BCL11B: variants seen among roughly 807,000 people sequenced by gnomAD.
BCL11B encodes the protein BCL11 transcription factor B.
Under a neutral mutation model 49.9 loss-of-function variants are expected in BCL11B, and 8 were observed. The observed-to-expected ratio is 0.16, with a 90% CI of 0.09 to 0.29. BCL11B has a LOEUF of 0.29. BCL11B is among the 10% of genes least tolerant of loss of function. The pLI is 1.00. For synonymous variants in BCL11B, 739 were observed against 637.4 expected, an observed-to-expected ratio of 1.16 and a Z score of -2.40; for missense variants, 1,006 against 1,351.0, an observed-to-expected ratio of 0.74 and a Z score of 4.00.
At chr14:99,233,940 G>C (rs1888413021) in intron 2 of BCL11B, among the ~76,000 whole-genome samples, 1 of 152,094 alleles carries the variant, frequency 6.6e-6, no homozygotes, top group Admixed American at 6.5e-5. Flanking sequence ...CCTCTCTGGG[G>C]CTCCCAGAGC....
In BCL11B at chr14:99,269,875, TAAAAAAAAAAAAAAAAAAA is replaced by T. The variant is rs56659919; in HGVS notation, c.58+1267_58+1285del. Among the ~76,000 whole-genome samples, 339 of 41,254 alleles carry T rather than the reference TAAAAAAAAAAAAAAAAAAA, an allele frequency of 8.2e-3. 6 individuals are homozygous for T. Among genetic ancestry groups the T allele is most frequent in the African/African-American group, 0.044 (303 of 6,942 alleles). 27.1% of individuals were successfully genotyped at this position (41,254 alleles called of 152,430 possible). The stretch of plus-strand genomic sequence containing the variant: ...GAGGATGTTTTATTTCTATTGCAGT[TAAAAAAAAAAAAAAAAAAA>T]AAAAAAAAAAAAAAAAGGAACGGCG... On this transcript the variant is annotated intron_variant, in intron 1 of 3. Coordinates refer to ENST00000357195, the MANE Select transcript of BCL11B (RefSeq NM_138576.4).
At chr14:99,237,581 C>T (rs556947564) in intron 2 of BCL11B, among the ~76,000 whole-genome samples, 2 of 152,276 alleles carry the variant, frequency 1.3e-5, no homozygotes, top group East Asian at 3.9e-4. Context: ...TTTGTCTGGG[C>T]ACCCGATGGC....
rs1886339764 is a variant in BCL11B, at chr14:99,172,974, T to C, written c.*1177A>G. 1 of 212,714 alleles carries C rather than the reference T, an allele frequency of 4.7e-6. No individual in the cohort carries two copies. Among genetic ancestry groups the C allele is most frequent in the Admixed American group, 5.9e-5 (1 of 16,986 alleles). 13.2% of individuals were successfully genotyped at this position (212,714 alleles called of 1,614,324 possible). On this transcript the variant is annotated 3_prime_UTR_variant, in exon 4 of 4. Coordinates refer to ENST00000357195, the MANE Select transcript of BCL11B (RefSeq NM_138576.4). ...CCACCCATCCCTACAATATCATCAG[T>C]GTGCATTAAATGAGAGAACACTAAC... is the stretch of plus-strand genomic sequence containing the variant.
At chr14:99,226,688 G>C (rs572784740) in intron 3 of BCL11B, among the ~76,000 whole-genome samples, 1 of 152,328 alleles carries the variant, frequency 6.6e-6, no homozygotes, top group South Asian at 2.1e-4. Flanking sequence ...CACAGCTAGC[G>C]TGGTCTAATC....
intron 3 of BCL11B, among the ~76,000 whole-genome samples, chr14:99,211,298 A>G (rs1887680992): frequency 6.6e-6 from 1 of 152,220 alleles, no homozygotes; most frequent in Non-Finnish European, 1.5e-5. Flanking sequence ...CCCATGGGCA[A>G]CCAGGGGAGT....
At chr14:99,224,618 C>T (rs1323940607) in intron 3 of BCL11B, among the ~76,000 whole-genome samples, 1 of 152,222 alleles carries the variant, frequency 6.6e-6, no homozygotes, top group Non-Finnish European at 1.5e-5. Context: ...TTCCCACCGG[C>T]CTTTTCCCTC....
rs369478371 is a variant in BCL11B at position 99,174,358 on chromosome 14, G to A, written c.2478C>T (p.Cys826=). The change falls in exon 4 of 4, where the codon TGC becomes TGT. Residue 826 remains cysteine, a synonymous_variant. Coordinates refer to ENST00000357195, the MANE Select transcript of BCL11B (RefSeq NM_138576.4). ...GCGCGCACGCGTAGTTGCACAGCTCGCACTTGTAAGGCCGCTCGCCGGTGT... is the reference window on the plus strand; with the variant it reads ...GCGCGCACGCGTAGTTGCACAGCTCACACTTGTAAGGCCGCTCGCCGGTGT... ...RSHTGERPYK[C]ELCNYACAQS... 27 of 1,613,480 alleles carry A rather than the reference G, an allele frequency of 1.7e-5. No homozygotes were observed. The East Asian group carries it at 3.1e-4, about 19-fold the overall frequency.
At chr14:99,211,043 C>G (rs1887673430) in intron 3 of BCL11B, among the ~76,000 whole-genome samples, 1 of 152,290 alleles carries the variant, frequency 6.6e-6, no homozygotes, top group African/African-American at 2.4e-5. Context: ...TCAATAACAG[C>G]TCCCCTAGCT....
At chr14:99,223,861 G>C (rs557060080) in intron 3 of BCL11B, among the ~76,000 whole-genome samples, 9 of 152,204 alleles carry the variant, frequency 5.9e-5, no homozygotes, top group African/African-American at 2.2e-4. Context: ...CCTGAGATCT[G>C]CTCTTGAGCT....
At chr14:99,249,266 G>C (rs1242534916) in intron 2 of BCL11B, among the ~76,000 whole-genome samples, 3 of 152,212 alleles carry the variant, frequency 2.0e-5, no homozygotes, top group Non-Finnish European at 4.4e-5. Flanking sequence ...TCCCTGGGAA[G>C]TCAGGAGCCT....
At position 99,175,088 on chromosome 14, in the gene BCL11B, G is replaced by A. The variant is rs769641126; in HGVS notation, c.1748C>T (p.Ala583Val). 5 of 1,600,278 alleles carry A rather than the reference G, an allele frequency of 3.1e-6. No homozygotes were observed. Among genetic ancestry groups the A allele is most frequent in the Middle Eastern group, 1.6e-4 (1 of 6,066 alleles). Residue 583 changes from alanine (A) to valine (V), a missense_variant, in exon 4 of 4, where the codon GCG becomes GTG. Ala to Val is a moderately conservative substitution (Grantham distance 64). This residue lies in a region of BCL11B where 443 missense variants were observed against 499.7 expected (regional missense o/e 0.89). Transcript: ENST00000357195. ...CTTCTCGTCAGCCAGCGCCTTGGCC[G>A]CGCCGCCCCCCGCGCCCGGGACCCC... ...VPGVPGAGGGAAKALADEKAL... is the reference protein window; with the variant it reads ...VPGVPGAGGGVAKALADEKAL...
chr14:99,195,414 G>A lies in BCL11B; in HGVS notation c.641-19219C>T, dbSNP rs1887151526. 6.6e-6 allele frequency among the ~76,000 whole-genome samples: 1 copy of A among 152,030 alleles called. No homozygotes were observed. The highest frequency in any genetic ancestry group is 1.5e-5 in the Non-Finnish European group (1 of 67,988). On this transcript the variant is annotated intron_variant, in intron 3 of 3. Transcript: ENST00000357195. The surrounding 1 kb of genome is among the most constrained non-coding windows in gnomAD (Gnocchi z 4.7). ...GAGACCAGAATGCTGCAGGCGAATGGTGCACCCAGCATTCTATCCTTGCCC... is the reference window on the plus strand; with the variant it reads ...GAGACCAGAATGCTGCAGGCGAATGATGCACCCAGCATTCTATCCTTGCCC...
intron 2 of BCL11B, among the ~76,000 whole-genome samples, chr14:99,243,918 TAAAAAAAAAAAAAAAAAAA>T (rs200999902): frequency 8.0e-4 from 102 of 128,174 alleles, no homozygotes; most frequent in African/African-American, 2.5e-3. Flanking sequence ...ACATTGCTCC[TAAAAAAAAAAAAAAAAAAA>T]AAAAAAAAAA....
At chr14:99,255,371 A>G (rs1250839965) in intron 2 of BCL11B, among the ~76,000 whole-genome samples, 3 of 151,124 alleles carry the variant, frequency 2.0e-5, no homozygotes, top group South Asian at 2.1e-4. Context: ...ACATAAAATA[A>G]AGATACTGTA....
Position 99,184,556 on chromosome 14 carries a change from CAG to C in BCL11B, c.641-8363_641-8362del, listed in dbSNP as rs1447818634. 3.3e-5 allele frequency among the ~76,000 whole-genome samples: 5 copies of C among 152,268 alleles called. No individual in the cohort carries two copies. The highest frequency in any genetic ancestry group is 2.6e-4 in the Admixed American group (4 of 15,302). On this transcript the variant is annotated intron_variant, in intron 3 of 3. Transcript: ENST00000357195. This position sits in a 1 kb window ranked among gnomAD's most constrained non-coding sequence, Gnocchi z 6.1. ...CCCAGGTCACAGGGCTGGTAAGTGG[CAG>C]AGTCAAGATGCACACCCGGGTCCGT...
rs1382428030 is a variant in BCL11B, at chr14:99,175,570, C to T, written c.1266G>A (p.Pro422=). Residue 422 remains proline (P), a synonymous_variant, in exon 4 of 4, where the codon CCG becomes CCA. Transcript: ENST00000357195. ...MPPGGTPPPQ[P]PAKSKSCEFC... Reference sequence around the variant, plus strand: ...ACTCGCACGACTTGCTCTTGGCTGGCGGCTGCGGGGGCGGCGTGCCGCCAG... The same window carrying T: ...ACTCGCACGACTTGCTCTTGGCTGGTGGCTGCGGGGGCGGCGTGCCGCCAG... The T allele has an allele frequency of 3.8e-6, 6 of 1,589,676 alleles. No homozygotes were observed. Among genetic ancestry groups the T allele is most frequent in the African/African-American group, 2.7e-5 (2 of 73,230 alleles).
intron 3 of BCL11B, among the ~76,000 whole-genome samples, chr14:99,188,102 G>A (rs993660323): frequency 2.0e-5 from 3 of 152,172 alleles, no homozygotes; most frequent in South Asian, 4.1e-4. Context: ...TCCGGTCTGC[G>A]GGGATTGATA....
intron 3 of BCL11B, among the ~76,000 whole-genome samples, chr14:99,179,609 G>A (rs78412107): frequency 0.015 from 2,206 of 151,356 alleles, 39 homozygotes; most frequent in African/African-American, 0.047. Context: ...AGGGCCACCC[G>A]TCCTGCCTGG....
chr14:99,269,911 G>T (rs1227640337), intron 1 of BCL11B, among the ~76,000 whole-genome samples: 1 of 126,388 alleles, frequency 7.9e-6, no homozygotes, highest in Non-Finnish European at 1.7e-5. Context: ...AAAAAAAAAA[G>T]GAACGGCGAC....
Sources: gnomAD v4.1 joint callset for allele counts (sites outside exome capture counted in the v4.1 genomes callset) on GRCh38, gnomAD v4.1.1 for gene constraint, gnomAD v4.1.1 regional missense constraint, Gnocchi (gnomAD v3.1) non-coding constraint, MANE v1.5 for transcripts, NCBI Gene and HGNC (gene_info 2026-07-23, HGNC 2026-07-21) for gene names.